The following DPYD variants were observed in gnomAD, a reference collection of about 807,000 sequenced individuals.
DPYD encodes the protein dihydropyrimidine dehydrogenase.
In DPYD, 109 loss-of-function variants were observed where a neutral mutation model predicts 116.2. The observed-to-expected ratio is 0.94, with a 90% confidence interval of 0.80 to 1.10. The LOEUF (loss-of-function observed/expected upper bound fraction) is 1.10, where lower values mean the gene tolerates loss of function less well. Among genes scored for constraint, DPYD ranks in the 50% least tolerant of loss-of-function variants. The pLI is 0.00. For synonymous variants in DPYD, 440 were observed against 432.0 expected (o/e 1.02, Z -0.23); for missense variants, 1,302 against 1,254.5 (o/e 1.04, Z -0.57).
At chr1:97,893,384 T>C (rs1432206263) in intron 1 of DPYD, among the ~76,000 whole-genome samples, 1 of 143,788 alleles carries the variant, frequency 7.0e-6, no homozygotes, top group African/African-American at 2.6e-5. Flanking sequence ...AATATGGCAG[T>C]GTGGAAGGGT....
chr1:97,161,746 A>G (rs1317925066), intron 20 of DPYD, among the ~76,000 whole-genome samples: 2 of 98,790 alleles, frequency 2.0e-5, no homozygotes, highest in African/African-American at 8.2e-5. Context: ...AACAGTCCCC[A>G]GAGTGTGATG....
intron 1 of DPYD, among the ~76,000 whole-genome samples, chr1:97,895,807 A>G (rs1673032991): frequency 6.6e-6 from 1 of 151,796 alleles, no homozygotes; most frequent in Admixed American, 6.6e-5. Context: ...ATTCTTAATT[A>G]ATACACTTTG....
Position 97,376,887 on chromosome 1 carries a change from G to GTGTGTGTGTGTATATATATATATATATA in DPYD, c.1975-3244_1975-3243insTATATATATATATATATACACACACACA. ...AGTTTGTGTGTGTGTGTGTGTGTGT[G>GTGTGTGTGTGTATATATATATATATATA]TATATATATATATATGGTGTGGACT... On this transcript the variant is annotated intron_variant, in intron 15 of 22. Coordinates refer to ENST00000370192, the MANE Select transcript of DPYD (RefSeq NM_000110.4). 3.6e-3 allele frequency among the ~76,000 whole-genome samples: 459 copies of GTGTGTGTGTGTATATATATATATATATA among 128,308 alleles called. 3 individuals are homozygous for GTGTGTGTGTGTATATATATATATATATA. The highest frequency in any genetic ancestry group is 0.019 in the South Asian group (60 of 3,204). 84.2% of individuals were successfully genotyped at this position (128,308 alleles called of 152,430 possible). A position where few individuals can be genotyped will look rare whatever the true frequency, so the allele number is the denominator to read the frequency against.
At chr1:97,079,787 T>C (rs1176264813) in intron 22 of DPYD, among the ~76,000 whole-genome samples, 1 of 152,068 alleles carries the variant, frequency 6.6e-6, no homozygotes, top group African/African-American at 2.4e-5. Flanking sequence ...GAGCCCAGAT[T>C]ACCACAGCCA....
chr1:97,173,378 G>GCA (rs1656980783), intron 20 of DPYD, among the ~76,000 whole-genome samples: 3 of 116,464 alleles, frequency 2.6e-5, no homozygotes, highest in Non-Finnish European at 3.7e-5. Flanking sequence ...ATATATGTGT[G>GCA]TATATACGTA....
At chr1:97,659,872 T>C (rs1659154390) in intron 8 of DPYD, among the ~76,000 whole-genome samples, 1 of 152,116 alleles carries the variant, frequency 6.6e-6, no homozygotes, top group Admixed American at 6.6e-5. Context: ...ATATGAGTAT[T>C]GTATATTCAT....
At chr1:97,438,743 GCTAT>G (rs1473970463) in intron 14 of DPYD, among the ~76,000 whole-genome samples, 1 of 151,944 alleles carries the variant, frequency 6.6e-6, no homozygotes, top group Non-Finnish European at 1.5e-5. Context: ...CAGCCTGTGG[GCTAT>G]CTGACTGTTC....
At chr1:97,278,345 A>C (rs1665090695) in intron 18 of DPYD, among the ~76,000 whole-genome samples, 1 of 152,216 alleles carries the variant, frequency 6.6e-6, no homozygotes, top group African/African-American at 2.4e-5. Flanking sequence ...AATTTTTAAA[A>C]GTTACATTTA....
In DPYD at chr1:97,393,509, G is replaced by A. The variant is rs575354394; in HGVS notation, c.1906-11048C>T. On this transcript the variant is annotated intron_variant, in intron 14 of 22. Transcript: ENST00000370192. ...TACCTTGTGTCCAAGTGTTCTCATT[G>A]TTCAGTTCCCACCTATGAGTGAGAA... Among the ~76,000 whole-genome samples the A allele has an allele frequency of 2.6e-5, 4 of 151,084 alleles. No homozygotes were observed. The East Asian group carries it at 7.9e-4, about 30-fold the overall frequency.
chr1:97,336,797 G>C (rs1168933864), intron 16 of DPYD, among the ~76,000 whole-genome samples: 1 of 152,098 alleles, frequency 6.6e-6, no homozygotes, highest in Non-Finnish European at 1.5e-5. Flanking sequence ...TGAATCAGGA[G>C]CTAGGAAAGC....
At chr1:97,320,437 C>T (rs1311559177) in intron 16 of DPYD, among the ~76,000 whole-genome samples, 2 of 55,022 alleles carry the variant, frequency 3.6e-5, no homozygotes, top group East Asian at 8.6e-4. Flanking sequence ...TATACACCAA[C>T]AACAGACAAA....
chr1:97,128,999 C>A (rs1653064107), intron 20 of DPYD, among the ~76,000 whole-genome samples: 1 of 152,024 alleles, frequency 6.6e-6, no homozygotes, highest in African/African-American at 2.4e-5. Flanking sequence ...CAACATTGTT[C>A]CTTACAGAGC....
intron 1 of DPYD, chr1:97,883,834 C>A (rs201222557): frequency 1.1e-4 from 40 of 377,880 alleles, no homozygotes; most frequent in African/African-American, 2.2e-4. Context: ...TTAGGAATCA[C>A]AAAAAAAAAA....
intron 12 of DPYD, among the ~76,000 whole-genome samples, chr1:97,539,805 A>C (rs889415992): frequency 6.6e-6 from 1 of 152,178 alleles, no homozygotes; most frequent in Non-Finnish European, 1.5e-5. Context: ...CTGGGATTAT[A>C]ATTTAGAATA....
At chr1:97,351,690 C>A (rs1285537957) in intron 16 of DPYD, among the ~76,000 whole-genome samples, 1 of 151,618 alleles carries the variant, frequency 6.6e-6, no homozygotes, top group Non-Finnish European at 1.5e-5. Context: ...TCTTAGAATA[C>A]AATAAGGCAA....
chr1:97,486,275 A>G (rs1678628888), intron 13 of DPYD, among the ~76,000 whole-genome samples: 1 of 152,138 alleles, frequency 6.6e-6, no homozygotes, highest in Non-Finnish European at 1.5e-5. Context: ...TACATTAATA[A>G]ATTATTTTGG....
At chr1:97,277,333 C>A (rs1664998736) in intron 18 of DPYD, among the ~76,000 whole-genome samples, 1 of 151,636 alleles carries the variant, frequency 6.6e-6, no homozygotes, top group Non-Finnish European at 1.5e-5. Context: ...ATGTAACAGA[C>A]CTGCACGTGT....
At chr1:97,336,113 G>A (rs1042035899) in intron 16 of DPYD, among the ~76,000 whole-genome samples, 3 of 152,166 alleles carry the variant, frequency 2.0e-5, no homozygotes, top group African/African-American at 7.2e-5. Flanking sequence ...CAATGTGACA[G>A]TGTCTCCACC....
intron 1 of DPYD, among the ~76,000 whole-genome samples, chr1:97,887,891 C>T (rs1000132157): frequency 2.6e-5 from 4 of 152,026 alleles, no homozygotes; most frequent in South Asian, 2.1e-4. Flanking sequence ...AGTGACTTTT[C>T]CGTCTTTGCT....
Sources: gnomAD v4.1 joint callset for allele counts (sites outside exome capture counted in the v4.1 genomes callset) on GRCh38, gnomAD v4.1.1 for gene constraint, MANE v1.5 for transcripts, NCBI Gene and HGNC (gene_info 2026-07-23, HGNC 2026-07-21) for gene names.